The following CD6 variants were observed in gnomAD, a reference collection of about 807,000 sequenced individuals.
CD6 encodes the protein CD6 molecule.
A neutral mutation model predicts 75.3 loss-of-function variants in CD6; 53 were observed. That is an observed-to-expected ratio of 0.70 (90% CI 0.56 to 0.88). CD6 has a LOEUF of 0.88. Among genes scored for constraint, CD6 ranks in the 40% least tolerant of loss-of-function variants. The pLI is 0.00. For synonymous variants in CD6, 359 were observed against 381.5 expected, an observed-to-expected ratio of 0.94 and a Z score of 0.69; for missense variants, 770 against 897.1, an observed-to-expected ratio of 0.86 and a Z score of 1.81.
chr11:60,997,170 G>T (rs1367818732), intron 1 of CD6, among the ~76,000 whole-genome samples: 1 of 152,172 alleles, frequency 6.6e-6, no homozygotes, highest in Non-Finnish European at 1.5e-5. Context: ...GAGGTCAGAA[G>T]TTCAAGACCA....
chr11:61,007,590 G>C lies in CD6; in HGVS notation c.149G>C (p.Gly50Ala). Residue 50 changes from glycine to alanine, a missense_variant, in exon 3 of 13, where the codon GGG becomes GCG. Transcript: ENST00000313421. The surrounding 1 kb of genome is among the most constrained non-coding windows in gnomAD (Gnocchi z 4.2). Reference protein sequence around the residue: ...GERLPVRLTNGSSSCSGTVEV... With the variant: ...GERLPVRLTNASSSCSGTVEV... The stretch of plus-strand genomic sequence containing the variant: ...CGGCTTCCGGTCCGTCTGACAAACG[G>C]GAGCAGCAGCTGCAGCGGGACGGTG... The C allele has an allele frequency of 1.3e-6, 2 of 1,503,228 alleles. No homozygotes were observed. Among genetic ancestry groups the C allele is most frequent in the Non-Finnish European group, 1.8e-6 (2 of 1,126,082 alleles). The allele number at this position is 1,503,228 out of a possible 1,614,324, so 93.1% of individuals were successfully genotyped here.
In CD6 at chr11:61,011,125, A is replaced by G; in HGVS notation, c.1140A>G (p.Thr380=). The part of the protein sequence containing the change: ...STPEVPASVQ[T]VTIESSVTVK... ...CCGAAGTCCCTGCAAGTGTTCAGAC[A>G]GTCACTATAGGTAAGTGTTGCTGGG... is the stretch of plus-strand genomic sequence containing the variant. The change falls in exon 6 of 13, where the codon ACA becomes ACG. Residue 380 remains threonine, a synonymous_variant. Transcript: ENST00000313421. 6.2e-7 allele frequency: 1 copy of G among 1,613,698 alleles called. No homozygotes were observed. The highest frequency in any genetic ancestry group is 1.1e-5 in the South Asian group (1 of 91,068).
intron 8 of CD6, among the ~76,000 whole-genome samples, chr11:61,015,222 T>C (rs1859345351): frequency 6.6e-6 from 1 of 152,210 alleles, no homozygotes; most frequent in South Asian, 2.1e-4. Context: ...TAGTTCTCCA[T>C]ATTGGAAATG....
intron 6 of CD6, among the ~76,000 whole-genome samples, chr11:61,011,726 C>A (rs756204706): frequency 6.6e-6 from 1 of 152,212 alleles, no homozygotes; most frequent in Non-Finnish European, 1.5e-5. Context: ...CAGATCCATT[C>A]TTGGTCTACC....
intron 1 of CD6, among the ~76,000 whole-genome samples, chr11:60,998,329 AG>A (rs1858403725): frequency 6.6e-6 from 1 of 152,234 alleles, no homozygotes; most frequent in African/African-American, 2.4e-5. Context: ...TGGGGCATAC[AG>A]TAAGTGCTCA....
intron 1 of CD6, among the ~76,000 whole-genome samples, chr11:60,985,629 G>T (rs1857783130): frequency 6.6e-6 from 1 of 152,070 alleles, no homozygotes; most frequent in Admixed American, 6.5e-5. Flanking sequence ...TAAATAGCCT[G>T]CCGTCCAAGC....
At position 60,973,679 on chromosome 11, in the gene CD6, G is replaced by A. The variant is rs61899202; in HGVS notation, c.49+1765G>A. On this transcript the variant is annotated intron_variant, in intron 1 of 12. Transcript: ENST00000313421. ...CCCTCTGTGAAAGGGGTGATGAGGAGGGGAGAGGAGATGGCCTCCTAGCTC... is the reference window on the plus strand; with the variant it reads ...CCCTCTGTGAAAGGGGTGATGAGGAAGGGAGAGGAGATGGCCTCCTAGCTC... Among the ~76,000 whole-genome samples the A allele has an allele frequency of 1.6e-3, 244 of 152,344 alleles. 2 individuals carry two copies. Among genetic ancestry groups the A allele is most frequent in the Non-Finnish European group, 2.7e-3 (185 of 68,044 alleles).
rs111507268 is a variant in CD6, at chr11:61,018,326, C to G, written c.1875C>G (p.Ser625=). 587 of 1,608,282 alleles carry G rather than the reference C, an allele frequency of 3.6e-4. 2 individuals carry two copies. In the African/African-American group the frequency reaches 7.1e-3, roughly 19 times the overall value. Residue 625 remains serine, a synonymous_variant, in exon 12 of 13, where the codon TCC becomes TCG. Transcript: ENST00000313421. ...PPADDSSSTS[S]GEWYQNFQPP... is the part of the protein sequence containing the mutation. The stretch of plus-strand genomic sequence containing the variant: ...CTGATGACAGCTCCAGCACCTCATC[C>G]GGGGAGTGGTACCAGAACTTCCAGC...
chr11:60,992,626 A>G (rs995075225), intron 1 of CD6, among the ~76,000 whole-genome samples: 1 of 151,996 alleles, frequency 6.6e-6, no homozygotes, highest in South Asian at 2.1e-4. Context: ...TCAGGAGTTC[A>G]AGACCAGCCT....
At chr11:60,990,256 G>A (rs552348614) in intron 1 of CD6, among the ~76,000 whole-genome samples, 7 of 152,246 alleles carry the variant, frequency 4.6e-5, no homozygotes, top group East Asian at 3.9e-4. Flanking sequence ...ATGGTGTCTC[G>A]CACTGTCACC....
At chr11:61,003,801 G>A (rs943327040) in intron 1 of CD6, among the ~76,000 whole-genome samples, 5 of 152,208 alleles carry the variant, frequency 3.3e-5, no homozygotes, top group African/African-American at 1.2e-4. Flanking sequence ...GTGAAATGAG[G>A]CCTGGATGGA....
At chr11:60,993,615 G>T (rs140479570) in intron 1 of CD6, among the ~76,000 whole-genome samples, 81 of 152,228 alleles carry the variant, frequency 5.3e-4, no homozygotes, top group Non-Finnish European at 8.7e-4. Flanking sequence ...ACTTTCCCTA[G>T]GTCACACAGC....
At position 61,008,848 on chromosome 11, in the gene CD6, C is replaced by A; in HGVS notation, c.781+3C>A. ...GGACGCGGGCGCGGTGTGCTCAGGT[C>A]AGTGGGCGGAGTCACTGAAGCCCGG... On this transcript the variant is annotated splice_donor_region_variant and intron_variant, in intron 4 of 12. Transcript: ENST00000313421. 1 of 1,529,680 alleles carries A rather than the reference C, an allele frequency of 6.5e-7. No homozygotes were observed. Among genetic ancestry groups the A allele is most frequent in the South Asian group, 1.3e-5 (1 of 78,680 alleles). The allele number at this position is 1,529,680 out of a possible 1,614,324, so 94.8% of individuals were successfully genotyped here. A position where few individuals can be genotyped will look rare whatever the true frequency, so the allele number is the denominator to read the frequency against.
chr11:60,992,286 A>G (rs1858094945), intron 1 of CD6, among the ~76,000 whole-genome samples: 1 of 151,780 alleles, frequency 6.6e-6, no homozygotes, highest in African/African-American at 2.4e-5. Context: ...CAGCCACTGA[A>G]AGTGCTGGGA....
chr11:60,981,243 CTGAG>C (rs1303851496), intron 1 of CD6, among the ~76,000 whole-genome samples: 1 of 152,204 alleles, frequency 6.6e-6, no homozygotes, highest in Non-Finnish European at 1.5e-5. Flanking sequence ...TTCCATTTTA[CTGAG>C]TAAGTGACAG....
chr11:60,992,130 TTG>T (rs1858089309), intron 1 of CD6, among the ~76,000 whole-genome samples: 2 of 152,178 alleles, frequency 1.3e-5, no homozygotes, highest in East Asian at 3.9e-4. Context: ...TCCACCCACC[TTG>T]GCCTCCCAAA....
At chr11:61,008,005 C>G (rs1461507620) in intron 3 of CD6, 95 bp downstream of exon 3, 11 of 771,620 alleles carry the variant, frequency 1.4e-5, no homozygotes, top group Non-Finnish European at 2.0e-5. Flanking sequence ...CAAGCCTCGC[C>G]CTCCAGACCT....
chr11:60,983,476 T>C lies in CD6; in HGVS notation c.49+11562T>C, dbSNP rs888743055. Among the ~76,000 whole-genome samples the C allele has an allele frequency of 1.1e-4, 16 of 152,322 alleles. No homozygotes were observed. In the East Asian group the frequency reaches 2.5e-3, roughly 24 times the overall value. ...AACAATACAAAGAATTTCCCCATGCTCTTCCCTCAGACTCTCCAACTGCTA... is the reference window on the plus strand; with the variant it reads ...AACAATACAAAGAATTTCCCCATGCCCTTCCCTCAGACTCTCCAACTGCTA... On this transcript the variant is annotated intron_variant, in intron 1 of 12. Coordinates refer to ENST00000313421, the MANE Select transcript of CD6 (RefSeq NM_006725.5).
chr11:60,995,708 G>A (rs888139049), intron 1 of CD6, among the ~76,000 whole-genome samples: 1 of 152,116 alleles, frequency 6.6e-6, no homozygotes, highest in African/African-American at 2.4e-5. Context: ...AGTGCGAGGT[G>A]AGACTATTAA....
Sources: allele counts gnomAD v4.1 joint callset (sites outside exome capture counted in the v4.1 genomes callset), GRCh38; gene constraint gnomAD v4.1.1; non-coding constraint Gnocchi (gnomAD v3.1); transcripts MANE v1.5; gene names NCBI Gene and HGNC (gene_info 2026-07-23, HGNC 2026-07-21).